Variants in DCHS2 observed in about 807,000 individuals in gnomAD.
DCHS2 encodes the protein protocadherin-23.
DCHS2 carries 142 observed loss-of-function variants against 182.4 expected under a neutral mutation model. The observed-to-expected ratio is 0.78, with a 90% CI of 0.68 to 0.89. The LOEUF (loss-of-function observed/expected upper bound fraction) is 0.89. Among genes scored for constraint, DCHS2 ranks in the 40% least tolerant of loss-of-function variants. The pLI, the probability that DCHS2 is intolerant of heterozygous loss-of-function variation, is 0.00. For missense variants in DCHS2, 4,319 were observed against 4,198.6 expected (o/e 1.03, Z -0.79); for synonymous variants, 1,740 against 1,663.3 (o/e 1.05, Z -1.12).
chr4:154,266,253 C>T (rs1015220376), intron 14 of DCHS2, among the ~76,000 whole-genome samples: 2 of 152,110 alleles, frequency 1.3e-5, no homozygotes, highest in Non-Finnish European at 2.9e-5. Flanking sequence ...CAACGAGCCA[C>T]GATGATGTCG....
At chr4:154,471,053 G>A (rs1735445484) in intron 1 of DCHS2, among the ~76,000 whole-genome samples, 2 of 152,164 alleles carry the variant, frequency 1.3e-5, no homozygotes, top group Non-Finnish European at 2.9e-5. Flanking sequence ...ATGAAGAGAA[G>A]AAACCTACAA....
chr4:154,476,268 G>A (rs1459807770), intron 1 of DCHS2, among the ~76,000 whole-genome samples: 1 of 152,174 alleles, frequency 6.6e-6, no homozygotes, highest in Non-Finnish European at 1.5e-5. Flanking sequence ...TTATTAACTT[G>A]AGACATTTAA....
chr4:154,333,512 G>GACA lies in DCHS2; in HGVS notation c.2714-21_2714-19dup. The GACA allele has an allele frequency of 6.3e-7, 1 of 1,590,894 alleles. No homozygotes were observed. The highest frequency in any genetic ancestry group is 1.1e-5 in the South Asian group (1 of 89,076). ...TGAGGAGTCTGAAAAAGAGAGAGGGGACAACCACTGTATGTCAAAAGGGTG... is the reference window on the plus strand; with the variant it reads ...TGAGGAGTCTGAAAAAGAGAGAGGGGACAACAACCACTGTATGTCAAAAGGGTG... On this transcript the variant is annotated intron_variant, in intron 4 of 19. Transcript: ENST00000357232.
At chr4:154,264,233 C>A (rs1733129873) in intron 14 of DCHS2, among the ~76,000 whole-genome samples, 2 of 152,084 alleles carry the variant, frequency 1.3e-5, no homozygotes, top group African/African-American at 4.8e-5. Flanking sequence ...GCACTAAAGT[C>A]ATAGAGAAGC....
Position 154,380,811 on chromosome 4 carries a change from CTATTGGGTCTTGAATGCCTAGAATTAA to C in DCHS2, c.2053-3394_2053-3368del, listed in dbSNP as rs1301369878. On this transcript the variant is annotated intron_variant, in intron 1 of 19. Transcript: ENST00000357232. The stretch of plus-strand genomic sequence containing the variant: ...TAGTATTCTCAACAACATATCCCAC[CTATTGGGTCTTGAATGCCTAGAATTAA>C]TATTGGGTCTTGAATGCCTAGAATT... 3.3e-5 allele frequency among the ~76,000 whole-genome samples: 5 copies of C among 152,176 alleles called. No homozygotes were observed. In the East Asian group the frequency reaches 5.8e-4, roughly 18 times the overall value.
Position 154,235,634 on chromosome 4 carries a change from C to T in DCHS2, c.9018G>A (p.Leu3006=). Residue 3006 remains leucine (L), a synonymous_variant, in exon 20 of 20, where the codon CTG becomes CTA. Coordinates refer to ENST00000357232, the MANE Select transcript of DCHS2 (RefSeq NM_001358235.2). The stretch of plus-strand genomic sequence containing the variant: ...TTACAATTAGAATGCAGATGAGTAT[C>T]AGAAACACTAAAAAGGAGACCACCA... ...ISLVVSFLVF[L]ILICILIVMI... The T allele has an allele frequency of 6.2e-7, 1 of 1,613,824 alleles. No homozygotes were observed. Among genetic ancestry groups the T allele is most frequent in the Non-Finnish European group, 8.5e-7 (1 of 1,179,930 alleles).
chr4:154,473,919 C>A (rs1339975631), intron 1 of DCHS2, among the ~76,000 whole-genome samples: 1 of 152,162 alleles, frequency 6.6e-6, no homozygotes, highest in African/African-American at 2.4e-5. Context: ...TAAAGTACCA[C>A]AAACTAACTG....
chr4:154,396,335 G>A (rs926013125), intron 1 of DCHS2, among the ~76,000 whole-genome samples: 5 of 152,112 alleles, frequency 3.3e-5, no homozygotes, highest in South Asian at 2.1e-4. Flanking sequence ...AATTTCTGAT[G>A]TCTGCCACAT....
intron 19 of DCHS2, 109 bp from the exon 20 acceptor site, chr4:154,237,268 A>C: frequency 1.5e-6 from 2 of 1,373,514 alleles, no homozygotes; most frequent in Non-Finnish European, 1.9e-6. Flanking sequence ...ATTCTTTGTT[A>C]GATCTGTTAA....
intron 13 of DCHS2, among the ~76,000 whole-genome samples, chr4:154,295,011 T>A (rs1734856576): frequency 6.6e-6 from 1 of 152,198 alleles, no homozygotes; most frequent in South Asian, 2.1e-4. Context: ...ACTACTGTAA[T>A]CCACATAACA....
intron 1 of DCHS2, among the ~76,000 whole-genome samples, chr4:154,475,116 T>A (rs1735633070): frequency 6.6e-6 from 1 of 152,176 alleles, no homozygotes; most frequent in South Asian, 2.1e-4. Flanking sequence ...ATTAATTAAT[T>A]TTCAGCAAGG....
chr4:154,455,748 T>C (rs1050481677), intron 1 of DCHS2, among the ~76,000 whole-genome samples: 18 of 152,222 alleles, frequency 1.2e-4, no homozygotes, highest in Non-Finnish European at 1.6e-4. Flanking sequence ...AATAAAGTGT[T>C]TCTTGGCCAC....
At chr4:154,428,959 T>C (rs6828176) in intron 1 of DCHS2, among the ~76,000 whole-genome samples, 121,167 of 150,946 alleles carry the variant, frequency 0.8, 52,046 homozygotes, top group Non-Finnish European at 0.95. Flanking sequence ...TGATAGAGAA[T>C]CAAAAGAAGG....
chr4:154,298,734 C>T (rs73857235), intron 12 of DCHS2, 26 bp from the exon 13 acceptor site: 43,145 of 1,528,986 alleles, frequency 0.028, 2,212 homozygotes, highest in African/African-American at 0.23. Context: ...ATTACAAATT[C>T]ATTTGAATTG....
intron 3 of DCHS2, among the ~76,000 whole-genome samples, chr4:154,352,881 G>T (rs1729686443): frequency 6.6e-6 from 1 of 152,146 alleles, no homozygotes; most frequent in African/African-American, 2.4e-5. Flanking sequence ...CAAGATCAGA[G>T]CCATTTGAGG....
In DCHS2 at chr4:154,269,983, G is replaced by T. The variant is rs1388182952; in HGVS notation, c.6494C>A (p.Ala2165Asp). The T allele has an allele frequency of 1.9e-6, 3 of 1,611,524 alleles. No individual in the cohort carries two copies. In the Admixed American group the frequency reaches 5.0e-5, roughly 27 times the overall value. The change falls in exon 14 of 20, where the codon GCT becomes GAT. Residue 2165 changes from alanine (A) to aspartate (D), a missense_variant. Coordinates refer to ENST00000357232, the MANE Select transcript of DCHS2 (RefSeq NM_001358235.2). ...GTSIVTVKAF[A>D]PDSIQDSMKY... is the part of the protein sequence containing the mutation. ...CATGCTGTCCTGAATTGAGTCAGGA[G>T]CAAAAGCTTTAACAGTCACAATAGA...
chr4:154,362,918 G>A (rs1393801086), intron 3 of DCHS2, among the ~76,000 whole-genome samples: 1 of 152,148 alleles, frequency 6.6e-6, no homozygotes, highest in Admixed American at 6.6e-5. Flanking sequence ...CAAAAGATGT[G>A]TTAACCCACT....
At chr4:154,245,889 T>C (rs1379809374) in intron 16 of DCHS2, among the ~76,000 whole-genome samples, 2 of 152,138 alleles carry the variant, frequency 1.3e-5, no homozygotes, top group East Asian at 3.9e-4. Flanking sequence ...CACTGAAAAC[T>C]GTAAATCTGA....
intron 1 of DCHS2, among the ~76,000 whole-genome samples, chr4:154,488,938 A>C (rs1184630672): frequency 6.6e-6 from 1 of 150,478 alleles, no homozygotes; most frequent in Non-Finnish European, 1.5e-5. Context: ...GTGTGTATAC[A>C]TGTATTTATA....
Sources: allele counts gnomAD v4.1 joint callset (sites outside exome capture counted in the v4.1 genomes callset), GRCh38; gene constraint gnomAD v4.1.1; transcripts MANE v1.5; gene names NCBI Gene and HGNC (gene_info 2026-07-23, HGNC 2026-07-21).